ZC3H4: variants seen among roughly 807,000 people sequenced by gnomAD.
ZC3H4 encodes zinc finger CCCH-type containing 4.
In ZC3H4, 13 loss-of-function variants were observed where a neutral mutation model predicts 108.3. The observed-to-expected ratio is 0.12, with a 90% CI of 0.08 to 0.19. ZC3H4 has a LOEUF of 0.19. ZC3H4 is among the 10% of genes least tolerant of loss of function. ZC3H4 has a pLI of 1.00. For synonymous variants in ZC3H4, 917 were observed against 749.6 expected (o/e 1.22, Z -3.65); for missense variants, 1,734 against 1,838.8 (o/e 0.94, Z 1.04).
At chr19:47,086,029 G>C (rs566054041) in intron 6 of ZC3H4, among the ~76,000 whole-genome samples, 30 of 151,972 alleles carry the variant, frequency 2.0e-4, no homozygotes, top group Non-Finnish European at 4.1e-4. Flanking sequence ...TACCACACCC[G>C]GCTAATTTTT....
In ZC3H4 at chr19:47,067,518, C is replaced by T. The variant is rs1456419484; in HGVS notation, c.2750G>A (p.Gly917Glu). 2 of 1,593,832 alleles carry T rather than the reference C, an allele frequency of 1.3e-6. No homozygotes were observed. Among genetic ancestry groups the T allele is most frequent in the Admixed American group, 3.5e-5 (2 of 57,620 alleles). ...CTCCTCCGTTGGGGGCGGCCCAGAC[C>T]CCTTGGAACTGCTGGGGCCCACAGG... ...SSPVGPSSSK[G>E]SGPPPTEEEE... Residue 917 changes from glycine (G) to glutamate (E), a missense_variant, in exon 15 of 15, where the codon GGG (glycine) becomes GAG (glutamate). Transcript: ENST00000253048. This position sits in a 1 kb window ranked among gnomAD's most constrained non-coding sequence, Gnocchi z 6.4.
chr19:47,080,621 G>A (rs1010305809), intron 11 of ZC3H4, among the ~76,000 whole-genome samples: 11 of 151,666 alleles, frequency 7.3e-5, no homozygotes, highest in African/African-American at 1.7e-4. Context: ...TCAGCCTCTC[G>A]AGTAGCTGGG....
Position 47,066,881 on chromosome 19 carries a change from A to G in ZC3H4, c.3387T>C (p.Gly1129=). The G allele has an allele frequency of 5.6e-6, 9 of 1,597,644 alleles. No homozygotes were observed. The highest frequency in any genetic ancestry group is 2.2e-5 in the South Asian group (2 of 90,670). The part of the protein sequence containing the change: ...APYDPRVLAA[G]GLGQGGGGGQ... Reference sequence around the variant, plus strand: ...CGCCCCCTCCGCCCTGGCCCAGTCCACCGGCCGCCAGCACGCGGGGGTCGT... The same window carrying G: ...CGCCCCCTCCGCCCTGGCCCAGTCCGCCGGCCGCCAGCACGCGGGGGTCGT... The change falls in exon 15 of 15, where the codon GGT becomes GGC. Residue 1129 remains glycine, a synonymous_variant. Transcript: ENST00000253048.
In ZC3H4 at chr19:47,065,270, CT is replaced by C. The variant is rs1351447153; in HGVS notation, c.*1085del. Reference sequence around the variant, plus strand: ...GCAACACACCTTGGAACACCTGCATCTGCTGGCTTGGGAAAGGAAACCCGAA... The same window carrying C: ...GCAACACACCTTGGAACACCTGCATCGCTGGCTTGGGAAAGGAAACCCGAA... On this transcript the variant is annotated 3_prime_UTR_variant, in exon 15 of 15. Coordinates refer to ENST00000253048, the MANE Select transcript of ZC3H4 (RefSeq NM_015168.2). The C allele has an allele frequency of 6.5e-6, 1 of 152,816 alleles. No homozygotes were observed. Among genetic ancestry groups the C allele is most frequent in the Admixed American group, 6.5e-5 (1 of 15,284 alleles). 9.5% of individuals were successfully genotyped at this position (152,816 alleles called of 1,614,324 possible).
At chr19:47,106,197 A>G (rs1170489901) in intron 2 of ZC3H4, among the ~76,000 whole-genome samples, 1 of 152,212 alleles carries the variant, frequency 6.6e-6, no homozygotes, top group Admixed American at 6.5e-5. Context: ...AGATGAACTC[A>G]AGAATCACAT....
intron 5 of ZC3H4, among the ~76,000 whole-genome samples, chr19:47,088,405 G>C (rs1042625350): frequency 6.6e-6 from 1 of 151,702 alleles, no homozygotes; most frequent in Non-Finnish European, 1.5e-5. Context: ...AAAAAAAGCC[G>C]GGCATGGTGG....
chr19:47,067,701 C>T lies in ZC3H4; in HGVS notation c.2567G>A (p.Gly856Glu). Residue 856 changes from glycine to glutamate, a missense_variant, in exon 15 of 15, where the codon GGA (glycine) becomes GAA (glutamate). This residue lies in a region of ZC3H4 where 540 missense variants were observed against 484.1 expected (regional missense o/e 1.12). Coordinates refer to ENST00000253048, the MANE Select transcript of ZC3H4 (RefSeq NM_015168.2). The surrounding 1 kb of genome is among the most constrained non-coding windows in gnomAD (Gnocchi z 6.4). ...DPRLQKGHPT[G>E]SRLADPRLSR... ...GAGGCGAGGGTCAGCCAGCCGGCTT[C>T]CTGTGGGGTGTCCCTTCTGGAGGCG... 1 of 1,604,284 alleles carries T rather than the reference C, an allele frequency of 6.2e-7. No individual in the cohort carries two copies. Among genetic ancestry groups the T allele is most frequent in the Non-Finnish European group, 8.5e-7 (1 of 1,177,276 alleles).
chr19:47,094,246 T>C, intron 3 of ZC3H4, 143 bp downstream of exon 3: 1 of 1,146,158 alleles, frequency 8.7e-7, no homozygotes, highest in African/African-American at 1.5e-5. Flanking sequence ...CTACCAACTC[T>C]TTTAAAAAAG....
At position 47,067,460 on chromosome 19, in the gene ZC3H4, G is replaced by A. The variant is rs370977082; in HGVS notation, c.2808C>T (p.Ala936=). 1.1e-4 allele frequency: 170 copies of A among 1,587,538 alleles called. No homozygotes were observed. The highest frequency in any genetic ancestry group is 1.8e-4 in the Admixed American group (10 of 56,952). ...EEGERALREK[A]VNIPLDPLPG... is the part of the protein sequence containing the mutation. ...GGAGTGGGTCCAGGGGAATGTTCACGGCCTTCTCCCGCAGGGCCCGCTCCC... is the reference window on the plus strand; with the variant it reads ...GGAGTGGGTCCAGGGGAATGTTCACAGCCTTCTCCCGCAGGGCCCGCTCCC... Residue 936 remains alanine (A), a synonymous_variant, in exon 15 of 15, where the codon GCC becomes GCT. Coordinates refer to ENST00000253048, the MANE Select transcript of ZC3H4 (RefSeq NM_015168.2). The surrounding 1 kb of genome is among the most constrained non-coding windows in gnomAD (Gnocchi z 6.4).
intron 2 of ZC3H4, 114 bp downstream of exon 2, chr19:47,112,310 C>T: frequency 1.8e-6 from 2 of 1,109,156 alleles, no homozygotes; most frequent in Admixed American, 4.3e-5. Flanking sequence ...CCTTCCTCCT[C>T]CTCCTCCTCC....
intron 9 of ZC3H4, 116 bp downstream of exon 9, chr19:47,084,229 A>T: frequency 6.4e-6 from 6 of 941,542 alleles, no homozygotes; most frequent in Non-Finnish European, 1.6e-6. Flanking sequence ...CCACAAGGAC[A>T]AGGACTACAC....
intron 2 of ZC3H4, among the ~76,000 whole-genome samples, chr19:47,110,367 G>A (rs895463489): frequency 6.6e-6 from 1 of 152,150 alleles, no homozygotes; most frequent in Non-Finnish European, 1.5e-5. Context: ...AGGATGCCAA[G>A]GGTCTGAAAA....
chr19:47,105,519 G>A (rs888683446), intron 2 of ZC3H4, among the ~76,000 whole-genome samples: 1 of 152,178 alleles, frequency 6.6e-6, no homozygotes, highest in African/African-American at 2.4e-5. Context: ...AGAATCCCTT[G>A]AACCAGGAGG....
intron 11 of ZC3H4, among the ~76,000 whole-genome samples, chr19:47,080,929 G>A (rs1461616284): frequency 2.6e-5 from 4 of 151,984 alleles, no homozygotes; most frequent in African/African-American, 7.2e-5. Context: ...CACCACACTC[G>A]GTTAAGTTTT....
intron 2 of ZC3H4, among the ~76,000 whole-genome samples, chr19:47,099,117 A>C (rs372065880): frequency 1.3e-5 from 2 of 152,214 alleles, no homozygotes; most frequent in East Asian, 1.9e-4. Context: ...CTCCACGGAA[A>C]GCCCTAACTG....
At chr19:47,086,041 G>A (rs1287693835) in intron 6 of ZC3H4, among the ~76,000 whole-genome samples, 1 of 151,948 alleles carries the variant, frequency 6.6e-6, no homozygotes, top group East Asian at 1.9e-4. Flanking sequence ...CTAATTTTTT[G>A]TATTTTTAGT....
rs987632394 is a variant in ZC3H4 at position 47,081,570 on chromosome 19, G to A, written c.1383C>T (p.Asp461=). Reference sequence around the variant, plus strand: ...GAGGGTCGTGGGAAAACATGCAGTCGTCACCATTGATGCAGTTCCCAGTGG... The same window carrying A: ...GAGGGTCGTGGGAAAACATGCAGTCATCACCATTGATGCAGTTCCCAGTGG... ...YHTTGNCING[D]DCMFSHDPLT... Residue 461 remains aspartate, a synonymous_variant, in exon 11 of 15, where the codon GAC becomes GAT. Coordinates refer to ENST00000253048, the MANE Select transcript of ZC3H4 (RefSeq NM_015168.2). 9.3e-6 allele frequency: 15 copies of A among 1,614,084 alleles called. No homozygotes were observed. Among genetic ancestry groups the A allele is most frequent in the Admixed American group, 6.7e-5 (4 of 59,998 alleles).
Position 47,067,935 on chromosome 19 carries a change from C to T in ZC3H4, c.2399-66G>A. On this transcript the variant is annotated intron_variant, in intron 14 of 14. Transcript: ENST00000253048. The surrounding 1 kb of genome is among the most constrained non-coding windows in gnomAD (Gnocchi z 6.4). Reference sequence around the variant, plus strand: ...ATCCACCACCCGCCCTCTTGGATCCCACAGCAGCCCACCGTGAGCAGCTCC... The same window carrying T: ...ATCCACCACCCGCCCTCTTGGATCCTACAGCAGCCCACCGTGAGCAGCTCC... The T allele has an allele frequency of 6.9e-7, 1 of 1,439,130 alleles. No homozygotes were observed. The highest frequency in any genetic ancestry group is 2.5e-5 in the East Asian group (1 of 40,422). 89.1% of individuals were successfully genotyped at this position (1,439,130 alleles called of 1,614,324 possible). A position where few individuals can be genotyped will look rare whatever the true frequency, so the allele number is the denominator to read the frequency against.
In ZC3H4 at chr19:47,067,550, A is replaced by C; in HGVS notation, c.2718T>G (p.His906Gln). 1 of 1,601,242 alleles carries C rather than the reference A, an allele frequency of 6.2e-7. No homozygotes were observed. The highest frequency in any genetic ancestry group is 8.5e-7 in the Non-Finnish European group (1 of 1,173,808). Residue 906 changes from histidine to glutamine, a missense_variant, in exon 15 of 15, where the codon CAT (histidine) becomes CAG (glutamine). Coordinates refer to ENST00000253048, the MANE Select transcript of ZC3H4 (RefSeq NM_015168.2). The surrounding 1 kb of genome is among the most constrained non-coding windows in gnomAD (Gnocchi z 6.4). ...AACTGCTGGGGCCCACAGGGCTGGA[A>C]TGAAGGCTGCCTTCGGGCTTGGAGG... ...LPTSKPEGSLHSSPVGPSSSK... is the reference protein window; with the variant it reads ...LPTSKPEGSLQSSPVGPSSSK...
Sources: gnomAD v4.1 joint callset for allele counts (sites outside exome capture counted in the v4.1 genomes callset) on GRCh38, gnomAD v4.1.1 for gene constraint, gnomAD v4.1.1 regional missense constraint, Gnocchi (gnomAD v3.1) non-coding constraint, MANE v1.5 for transcripts, NCBI Gene and HGNC (gene_info 2026-07-23, HGNC 2026-07-21) for gene names.